The following MALRD1 variants were observed in gnomAD, a reference collection of about 807,000 sequenced individuals.
MALRD1 encodes the protein MAM and LDL-receptor class A domain-containing protein 1.
Under a neutral mutation model 242.1 loss-of-function variants are expected in MALRD1, and 247 were observed. The observed-to-expected ratio is 1.02, with a 90% CI of 0.92 to 1.13. The LOEUF (loss-of-function observed/expected upper bound fraction) is 1.13, where lower values mean the gene tolerates loss of function less well. MALRD1 is among the 50% of genes most tolerant of loss of function. MALRD1 has a pLI of 0.00. For missense variants in MALRD1, 2,989 were observed against 2,533.1 expected (o/e 1.18, Z -3.86); for synonymous variants, 995 against 866.6 (o/e 1.15, Z -2.60).
chr10:19,211,752 A>C (rs1434391204), intron 18 of MALRD1, among the ~76,000 whole-genome samples: 1 of 143,672 alleles, frequency 7.0e-6, no homozygotes, highest in African/African-American at 2.5e-5. Context: ...TTTAAGGAAC[A>C]GGATATTTTT....
chr10:19,613,612 C>T (rs373083810), intron 35 of MALRD1, among the ~76,000 whole-genome samples: 36 of 152,140 alleles, frequency 2.4e-4, no homozygotes, highest in African/African-American at 8.4e-4. Flanking sequence ...ACCTCTTTAA[C>T]GGGGCTCCCA....
intron 36 of MALRD1, among the ~76,000 whole-genome samples, chr10:19,636,675 G>A (rs1404157149): frequency 1.3e-5 from 2 of 152,072 alleles, no homozygotes; most frequent in Admixed American, 6.6e-5. Context: ...GTGGCGAGTG[G>A]ATCACCTGAG....
intron 18 of MALRD1, among the ~76,000 whole-genome samples, chr10:19,256,123 T>A (rs59559193): frequency 0.1 from 15,363 of 152,044 alleles, 1,209 homozygotes; most frequent in African/African-American, 0.22. Context: ...AATAAGATAA[T>A]GATAATCATG....
intron 38 of MALRD1, among the ~76,000 whole-genome samples, chr10:19,726,006 T>C (rs556377650): frequency 6.6e-6 from 1 of 152,218 alleles, no homozygotes; most frequent in South Asian, 2.1e-4. Context: ...AAAGAAAACA[T>C]AGTGGTAAAT....
In MALRD1 at chr10:19,559,063, A is replaced by G. The variant is rs868391571; in HGVS notation, c.5479-8439A>G. The stretch of plus-strand genomic sequence containing the variant: ...CCAGGCATGATGGTGGGCACCTGTG[A>G]TCCCAGTTACTCAGGAGGCTGAGGT... On this transcript the variant is annotated intron_variant, in intron 32 of 39. Transcript: ENST00000454679. Among the ~76,000 whole-genome samples the G allele has an allele frequency of 2.0e-5, 3 of 152,004 alleles. No homozygotes were observed. The South Asian group carries it at 6.2e-4, about 32-fold the overall frequency.
At chr10:19,342,647 A>G (rs1044408932) in intron 24 of MALRD1, among the ~76,000 whole-genome samples, 1 of 152,144 alleles carries the variant, frequency 6.6e-6, no homozygotes, top group African/African-American at 2.4e-5. Flanking sequence ...GTTTTCAGAG[A>G]TGTTATTAAG....
chr10:19,203,863 G>A lies in MALRD1; in HGVS notation c.2087G>A (p.Ser696Asn). ...CACCAGGCTCCACCTCGGGATCATA[G>A]TCTCAACGCATCTCAAGGTAAGAAG... ...FEHQAPPRDH[S>N]LNASQGHFMF... Residue 696 changes from serine to asparagine, a missense_variant, in exon 15 of 40, where the codon AGT becomes AAT. Transcript: ENST00000454679. 6.4e-7 allele frequency: 1 copy of A among 1,550,476 alleles called. No homozygotes were observed. Among genetic ancestry groups the A allele is most frequent in the Non-Finnish European group, 8.7e-7 (1 of 1,146,914 alleles).
intron 24 of MALRD1, among the ~76,000 whole-genome samples, chr10:19,339,883 G>T (rs1843769210): frequency 1.3e-5 from 2 of 152,204 alleles, no homozygotes; most frequent in South Asian, 2.1e-4. Context: ...CCACATGGCT[G>T]GGGAGGCCTC....
intron 1 of MALRD1, among the ~76,000 whole-genome samples, chr10:19,062,692 A>C (rs1349402818): frequency 1.3e-5 from 2 of 152,226 alleles, no homozygotes; most frequent in Admixed American, 6.5e-5. Context: ...TCTAATTCAT[A>C]GAGACAGAAG....
At chr10:19,103,851 C>A in intron 4 of MALRD1, 128 bp from the exon 5 acceptor site, 1 of 444,796 alleles carries the variant, frequency 2.2e-6, no homozygotes. Flanking sequence ...CTGGAATTGG[C>A]ATGGTCACCC....
Position 19,369,277 on chromosome 10 carries a change from T to G in MALRD1, c.4441+16980T>G, listed in dbSNP as rs191747490. 4.7e-3 allele frequency among the ~76,000 whole-genome samples: 687 copies of G among 146,852 alleles called. 2 individuals are homozygous for G. Among genetic ancestry groups the G allele is most frequent in the African/African-American group, 0.016 (655 of 40,540 alleles). On this transcript the variant is annotated intron_variant, in intron 26 of 39. Transcript: ENST00000454679. ...ACACTTATGTTGTATACATTTATGG[T>G]GTATATAATATATATTATGTGATAT...
At chr10:19,382,942 T>G (rs1171836470) in intron 26 of MALRD1, among the ~76,000 whole-genome samples, 3 of 152,170 alleles carry the variant, frequency 2.0e-5, no homozygotes, top group Admixed American at 2.0e-4. Context: ...TTTATATGAC[T>G]TACTACAATT....
At chr10:19,203,955 A>T in intron 15 of MALRD1, 75 bp downstream of exon 15, 1 of 1,505,050 alleles carries the variant, frequency 6.6e-7, no homozygotes, top group Admixed American at 2.0e-5. Context: ...AAGGAAAGCT[A>T]GTACGGTTCT....
chr10:19,155,173 G>A lies in MALRD1; in HGVS notation c.1656+1G>A. 9 of 1,230,162 alleles carry A rather than the reference G, an allele frequency of 7.3e-6. No homozygotes were observed. The highest frequency in any genetic ancestry group is 9.1e-6 in the Non-Finnish European group (9 of 986,622). The allele number at this position is 1,230,162 out of a possible 1,614,324, so 76.2% of individuals were successfully genotyped here. A position where few individuals can be genotyped will look rare whatever the true frequency, so the allele number is the denominator to read the frequency against. ...GCTCACTGCCTCTACCCCATGTCAG[G>A]TAATCAACTGTTCTGAATTTCCACT... On this transcript the variant is annotated splice_donor_variant, in intron 12 of 39. Coordinates refer to ENST00000454679, the MANE Select transcript of MALRD1 (RefSeq NM_001142308.3). LOFTEE classifies it high-confidence loss of function.
intron 36 of MALRD1, among the ~76,000 whole-genome samples, chr10:19,666,906 G>A (rs1412248241): frequency 6.6e-6 from 1 of 152,158 alleles, no homozygotes; most frequent in Non-Finnish European, 1.5e-5. Flanking sequence ...GAGTGGAAGA[G>A]CTAGAACTTG....
chr10:19,246,719 C>G (rs1463149609), intron 18 of MALRD1, among the ~76,000 whole-genome samples: 1 of 152,064 alleles, frequency 6.6e-6, no homozygotes, highest in Non-Finnish European at 1.5e-5. Flanking sequence ...GTTGAGCTGC[C>G]AGATAATGCA....
intron 31 of MALRD1, among the ~76,000 whole-genome samples, chr10:19,517,371 A>G: frequency 6.6e-6 from 1 of 152,162 alleles, no homozygotes; most frequent in East Asian, 1.9e-4. Flanking sequence ...TAAAGGCAAA[A>G]ATCTCAGGGC....
At chr10:19,125,988 C>G (rs779888634) in intron 7 of MALRD1, among the ~76,000 whole-genome samples, 46 of 151,852 alleles carry the variant, frequency 3.0e-4, no homozygotes, top group Non-Finnish European at 6.6e-4. Flanking sequence ...TACCTGTAAA[C>G]TTAAAATGTT....
At chr10:19,370,473 T>C (rs1201411037) in intron 26 of MALRD1, among the ~76,000 whole-genome samples, 3 of 152,244 alleles carry the variant, frequency 2.0e-5, no homozygotes, top group Non-Finnish European at 2.9e-5. Context: ...TATTTTTTAA[T>C]GTTATCGTTA....
Sources: allele counts gnomAD v4.1 joint callset (sites outside exome capture counted in the v4.1 genomes callset), GRCh38; gene constraint gnomAD v4.1.1; transcripts MANE v1.5; gene names NCBI Gene and HGNC (gene_info 2026-07-23, HGNC 2026-07-21).